BANK1: variants seen among roughly 807,000 people sequenced by gnomAD.
The protein encoded by BANK1 is B cell scaffold protein with ankyrin repeats 1.
Under a neutral mutation model 94.5 loss-of-function variants are expected in BANK1, and 95 were observed. That is an observed-to-expected ratio of 1.00 (90% CI 0.85 to 1.19). The LOEUF is 1.19. BANK1 is among the 50% of genes most tolerant of loss of function. BANK1 has a pLI of 0.00. For synonymous variants in BANK1, 334 were observed against 308.4 expected (o/e 1.08, Z -0.87); for missense variants, 987 against 932.2 (o/e 1.06, Z -0.77).
chr4:101,828,949 G>A (rs984709202), intron 1 of BANK1, among the ~76,000 whole-genome samples: 7 of 151,682 alleles, frequency 4.6e-5, no homozygotes, highest in Non-Finnish European at 7.4e-5. Flanking sequence ...TGCAAACTCC[G>A]CCTCCTGGGT....
chr4:101,868,034 C>T (rs1477962667), intron 4 of BANK1, among the ~76,000 whole-genome samples: 2 of 151,720 alleles, frequency 1.3e-5, no homozygotes, highest in East Asian at 1.9e-4. Flanking sequence ...GAATGGATAA[C>T]AAGCAAGACC....
intron 2 of BANK1, among the ~76,000 whole-genome samples, chr4:101,834,985 G>A (rs7438361): frequency 0.066 from 10,008 of 151,958 alleles, 1,122 homozygotes; most frequent in African/African-American, 0.23. Flanking sequence ...TTCCTTTAAA[G>A]GAATTAAGAA....
In BANK1 at chr4:102,030,009, T is replaced by C; in HGVS notation, c.1644T>C (p.Pro548=). 1 of 1,613,040 alleles carries C rather than the reference T, an allele frequency of 6.2e-7. No homozygotes were observed. The highest frequency in any genetic ancestry group is 1.1e-5 in the South Asian group (1 of 90,770). Residue 548 remains proline, a synonymous_variant, in exon 10 of 17, where the codon CCT becomes CCC. Transcript: ENST00000322953. ...QMERSQNWGH[P]GVRQETGDEP... ...AAAGAAGTCAAAACTGGGGTCATCCTGGTGTTAGACAAGAAACAGGAGATG... is the reference window on the plus strand; with the variant it reads ...AAAGAAGTCAAAACTGGGGTCATCCCGGTGTTAGACAAGAAACAGGAGATG...
At chr4:101,908,265 A>T (rs1210840125) in intron 6 of BANK1, among the ~76,000 whole-genome samples, 2 of 152,228 alleles carry the variant, frequency 1.3e-5, no homozygotes, top group African/African-American at 4.8e-5. Flanking sequence ...ATCTACAGCC[A>T]TCTGATCTTT....
At chr4:101,821,269 A>G (rs1451572087) in intron 1 of BANK1, among the ~76,000 whole-genome samples, 4 of 152,054 alleles carry the variant, frequency 2.6e-5, no homozygotes, top group African/African-American at 9.7e-5. Context: ...GTGTCTATTC[A>G]TGTCCTTTGC....
intron 7 of BANK1, among the ~76,000 whole-genome samples, chr4:101,970,864 T>G (rs1348916643): frequency 6.6e-6 from 1 of 152,092 alleles, no homozygotes; most frequent in Non-Finnish European, 1.5e-5. Flanking sequence ...CATGATTTCC[T>G]TAGGATTTCA....
At chr4:101,877,621 G>T (rs1195879888) in intron 5 of BANK1, among the ~76,000 whole-genome samples, 1 of 151,916 alleles carries the variant, frequency 6.6e-6, no homozygotes, top group Non-Finnish European at 1.5e-5. Context: ...AAAATAATGG[G>T]GTATAAAATA....
intron 4 of BANK1, among the ~76,000 whole-genome samples, chr4:101,869,109 A>G (rs540482752): frequency 1.3e-5 from 2 of 152,042 alleles, no homozygotes; most frequent in East Asian, 3.9e-4. Context: ...AAATCTCACC[A>G]TATACCTCTC....
intron 7 of BANK1, among the ~76,000 whole-genome samples, chr4:101,930,969 C>T (rs1723317683): frequency 6.6e-6 from 1 of 151,508 alleles, no homozygotes. Flanking sequence ...TTCAGTTTTA[C>T]CTGTGTTTTA....
intron 7 of BANK1, among the ~76,000 whole-genome samples, chr4:101,951,364 T>C (rs1301817990): frequency 6.6e-6 from 1 of 152,150 alleles, no homozygotes; most frequent in African/African-American, 2.4e-5. Context: ...TATGTACAAT[T>C]TTATATTCAA....
At chr4:101,840,821 G>A (rs1727019522) in intron 2 of BANK1, among the ~76,000 whole-genome samples, 1 of 151,962 alleles carries the variant, frequency 6.6e-6, no homozygotes. Context: ...GCACCTCTAG[G>A]TTAGGGTCTC....
chr4:101,907,638 T>C lies in BANK1; in HGVS notation c.1010-10355T>C, dbSNP rs535633105. On this transcript the variant is annotated intron_variant, in intron 6 of 16. Transcript: ENST00000322953. ...TTGTCCCTGTTTGCAGATGACATGA[T>C]TGTATATTTAGAAAACCCCATCATC... 2.9e-3 allele frequency among the ~76,000 whole-genome samples: 440 copies of C among 152,314 alleles called. 1 individual carries two copies. The highest frequency in any genetic ancestry group is 9.9e-3 in the African/African-American group (411 of 41,570).
chr4:101,938,304 G>T (rs898944947), intron 7 of BANK1, among the ~76,000 whole-genome samples: 3 of 151,410 alleles, frequency 2.0e-5, no homozygotes, highest in Non-Finnish European at 4.4e-5. Context: ...GACTGGAAAA[G>T]GTAGTGAGGA....
intron 7 of BANK1, among the ~76,000 whole-genome samples, chr4:101,946,092 T>C (rs1723917894): frequency 6.6e-6 from 1 of 152,022 alleles, no homozygotes; most frequent in Admixed American, 6.6e-5. Context: ...TTATTAACTT[T>C]GGATCTTGAC....
At chr4:101,979,825 T>C (rs1016284515) in intron 7 of BANK1, among the ~76,000 whole-genome samples, 1 of 151,902 alleles carries the variant, frequency 6.6e-6, no homozygotes, top group African/African-American at 2.4e-5. Flanking sequence ...CCCAATTTCT[T>C]GGCTATAAAT....
At chr4:101,889,604 CAAAAAAAAAAAAAA>C (rs59341810) in intron 5 of BANK1, among the ~76,000 whole-genome samples, 1 of 54,914 alleles carries the variant, frequency 1.8e-5, no homozygotes. Flanking sequence ...GACTCCGTCT[CAAAAAAAAAAAAAA>C]AAAAAAAAAA....
At chr4:101,891,330 C>T (rs1721862014) in intron 5 of BANK1, among the ~76,000 whole-genome samples, 1 of 152,078 alleles carries the variant, frequency 6.6e-6, no homozygotes, top group Non-Finnish European at 1.5e-5. Flanking sequence ...CCACTTCTTT[C>T]TGTCCTTCAT....
chr4:102,073,169 C>T (rs148563668), intron 15 of BANK1, among the ~76,000 whole-genome samples: 2 of 151,396 alleles, frequency 1.3e-5, no homozygotes, highest in Non-Finnish European at 2.9e-5. Context: ...CCCTTAAAAA[C>T]GAATTGAAGC....
intron 7 of BANK1, among the ~76,000 whole-genome samples, chr4:101,949,518 G>A (rs1724058960): frequency 6.6e-6 from 1 of 152,062 alleles, no homozygotes; most frequent in South Asian, 2.1e-4. Context: ...ATTGCTGGGC[G>A]CACTTAATGA....
Sources: allele counts gnomAD v4.1 joint callset (sites outside exome capture counted in the v4.1 genomes callset), GRCh38; gene constraint gnomAD v4.1.1; transcripts MANE v1.5; gene names NCBI Gene and HGNC (gene_info 2026-07-23, HGNC 2026-07-21).